Variants in SNAPC3 observed in about 807,000 individuals in gnomAD.
SNAPC3 encodes small nuclear RNA activating complex polypeptide 3, also known as snRNA-activating protein complex subunit 3.
Under a neutral mutation model 47.7 loss-of-function variants are expected in SNAPC3, and 56 were observed. The ratio of observed to expected loss-of-function variants is 1.18; its 90% CI spans 0.95 to 1.47. The LOEUF (loss-of-function observed/expected upper bound fraction) is 1.47, where lower values mean the gene tolerates loss of function less well. Ranked by LOEUF, SNAPC3 falls within the 40% of genes most tolerant of loss-of-function variation. The probability of loss-of-function intolerance (pLI) is 0.00; values close to 1 mark genes in which losing one functional copy is unlikely to be tolerated. For missense variants in SNAPC3, 665 were observed against 511.3 expected (o/e 1.30, Z -2.90); for synonymous variants, 235 against 189.9 (o/e 1.24, Z -1.95).
chr9:15,423,815 G>T, intron 1 of SNAPC3, 94 bp from the exon 2 acceptor site: 1 of 613,292 alleles, frequency 1.6e-6, no homozygotes, highest in Non-Finnish European at 2.7e-6. Context: ...ATCTGACTTC[G>T]TAATTCAGTA....
intron 3 of SNAPC3, among the ~76,000 whole-genome samples, chr9:15,440,504 T>C (rs188082327): frequency 7.9e-5 from 12 of 152,230 alleles, no homozygotes; most frequent in African/African-American, 2.9e-4. Context: ...GGTTTAAATA[T>C]GTCACCCAAA....
intron 6 of SNAPC3, among the ~76,000 whole-genome samples, chr9:15,452,299 A>C (rs768234402): frequency 1.4e-4 from 21 of 148,600 alleles, no homozygotes; most frequent in Admixed American, 6.8e-5. Context: ...CTAACCCAAC[A>C]GTTCAAACCT....
In SNAPC3 at chr9:15,455,509, A is replaced by G. The variant is rs553245906; in HGVS notation, c.980+2304A>G. ...TTGAACCCGGGAAGCGGAGGTTGCA[A>G]TGAGCCAAGATCGTGCCATTGCACT... On this transcript the variant is annotated intron_variant, in intron 7 of 8. Transcript: ENST00000380821. 4.4e-3 allele frequency among the ~76,000 whole-genome samples: 673 copies of G among 152,132 alleles called. 3 individuals are homozygous for G. Among genetic ancestry groups the G allele is most frequent in the African/African-American group, 0.016 (647 of 41,498 alleles).
At chr9:15,466,150 G>C (rs995707844), downstream of SNAPC3, among the ~76,000 whole-genome samples, 11 of 152,310 alleles carry the variant, frequency 7.2e-5, no homozygotes, top group Non-Finnish European at 1.5e-4. Context: ...AGCCAAGGTG[G>C]GTGGATCACC....
chr9:15,451,890 C>T (rs916481129), intron 6 of SNAPC3, among the ~76,000 whole-genome samples: 6 of 151,930 alleles, frequency 3.9e-5, no homozygotes, highest in Non-Finnish European at 8.8e-5. Context: ...TCTGTAAGCT[C>T]ATTTTAATGA....
rs565750854 is a variant in SNAPC3 at position 15,448,482 on chromosome 9, C to T, written c.732+1238C>T. ...TTTCCAAACCCAGCTCAAAACTCAC[C>T]AATTATATGCAATTTTTCTTGACTC... On this transcript the variant is annotated intron_variant, in intron 5 of 8. Coordinates refer to ENST00000380821, the MANE Select transcript of SNAPC3 (RefSeq NM_001039697.2). Among the ~76,000 whole-genome samples the T allele has an allele frequency of 2.6e-5, 4 of 152,238 alleles. No homozygotes were observed. The South Asian group carries it at 8.3e-4, about 32-fold the overall frequency.
chr9:15,452,940 G>T, intron 6 of SNAPC3, 101 bp from the exon 7 acceptor site: 1 of 923,862 alleles, frequency 1.1e-6, no homozygotes, highest in Non-Finnish European at 1.6e-6. Context: ...CAGTTAGTTG[G>T]GTGAGCTAGG....
intron 5 of SNAPC3, among the ~76,000 whole-genome samples, chr9:15,449,742 T>C (rs1193298787): frequency 6.6e-6 from 1 of 151,414 alleles, no homozygotes; most frequent in African/African-American, 2.4e-5. Context: ...GGCTAATTTT[T>C]GTATTTTTAG....
rs35960449 is a variant in SNAPC3 at position 15,458,082 on chromosome 9, AT to A, written c.1088+26del. ...TATACAGCCAGGTGAGTGATAATGT[AT>A]TTTTTTTTTTCTCTGAGAAATGGCA... is the stretch of plus-strand genomic sequence containing the variant. On this transcript the variant is annotated intron_variant, in intron 8 of 8. Transcript: ENST00000380821. 1.7e-3 allele frequency: 1,617 copies of A among 976,976 alleles called. 1 individual carries two copies. Among genetic ancestry groups the A allele is most frequent in the South Asian group, 8.2e-3 (467 of 56,980 alleles). 60.5% of individuals were successfully genotyped at this position (976,976 alleles called of 1,614,324 possible). A position where few individuals can be genotyped will look rare whatever the true frequency, so the allele number is the denominator to read the frequency against.
At chr9:15,449,137 C>A (rs1397959045) in intron 5 of SNAPC3, among the ~76,000 whole-genome samples, 2 of 152,004 alleles carry the variant, frequency 1.3e-5, no homozygotes, top group Non-Finnish European at 2.9e-5. Context: ...GCAGCGGTGG[C>A]AATCTTCTGC....
chr9:15,444,461 G>C, intron 3 of SNAPC3, 141 bp from the exon 4 acceptor site: 1 of 584,258 alleles, frequency 1.7e-6, no homozygotes, highest in Non-Finnish European at 3.1e-6. Context: ...GCTTAGAGAT[G>C]TCTTAACAGT....
At chr9:15,436,084 TCCATGCG>T (rs1313364873) in intron 3 of SNAPC3, among the ~76,000 whole-genome samples, 2 of 152,192 alleles carry the variant, frequency 1.3e-5, no homozygotes, top group Non-Finnish European at 2.9e-5. Flanking sequence ...CCTCAGGTGA[TCCATGCG>T]CCTCGGTCTC....
chr9:15,458,971 C>A (rs993573777), intron 8 of SNAPC3, among the ~76,000 whole-genome samples: 8 of 152,126 alleles, frequency 5.3e-5, no homozygotes, highest in African/African-American at 1.9e-4. Flanking sequence ...TGAAAAAAAT[C>A]TGCAATTTGA....
intron 3 of SNAPC3, among the ~76,000 whole-genome samples, chr9:15,436,105 A>G (rs533853713): frequency 5.3e-5 from 8 of 152,132 alleles, no homozygotes; most frequent in African/African-American, 1.7e-4. Context: ...CGGTCTCCCA[A>G]AGTGCTGGGA....
intron 5 of SNAPC3, among the ~76,000 whole-genome samples, chr9:15,449,553 ATATATATATATTTTTT>A (rs1308593159): frequency 1.6e-4 from 6 of 37,588 alleles, no homozygotes; most frequent in African/African-American, 7.0e-4. Flanking sequence ...ATATATATAT[ATATATATATATTTTTT>A]TTTTTTTTTT....
At chr9:15,444,741 T>G in intron 4 of SNAPC3, 35 bp downstream of exon 4, 1 of 1,106,542 alleles carries the variant, frequency 9.0e-7, no homozygotes, top group Non-Finnish European at 1.4e-6. Flanking sequence ...TTATGGATAA[T>G]AGTAACTTTT....
chr9:15,451,434 T>C (rs892697814), intron 6 of SNAPC3, 32 bp downstream of exon 6: 23 of 1,062,020 alleles, frequency 2.2e-5, no homozygotes, highest in Non-Finnish European at 2.7e-5. Flanking sequence ...TCAAAGTCTT[T>C]CCTATTTCTA....
downstream of SNAPC3, chr9:15,461,694 A>G (rs2035235634): frequency 6.6e-6 from 1 of 152,254 alleles, no homozygotes; most frequent in Non-Finnish European, 1.5e-5. Flanking sequence ...TACACATGGA[A>G]AACTGACGAA....
chr9:15,429,129 G>A (rs754942619), intron 2 of SNAPC3, among the ~76,000 whole-genome samples: 1 of 151,886 alleles, frequency 6.6e-6, no homozygotes, highest in Non-Finnish European at 1.5e-5. Flanking sequence ...ACTTACAAAG[G>A]CAAACTTACA....
Sources: gnomAD v4.1 joint callset for allele counts (sites outside exome capture counted in the v4.1 genomes callset) on GRCh38, gnomAD v4.1.1 for gene constraint, MANE v1.5 for transcripts, NCBI Gene and HGNC (gene_info 2026-07-23, HGNC 2026-07-21) for gene names.